Variants in TFEC observed in about 807,000 individuals in gnomAD.
TFEC encodes the protein transcription factor EC.
TFEC carries 31 observed loss-of-function variants against 41.6 expected under a neutral mutation model. The observed-to-expected ratio is 0.74, with a 90% CI of 0.56 to 1.01. The LOEUF (loss-of-function observed/expected upper bound fraction) is 1.01. Ranked by LOEUF, TFEC falls within the 50% of genes least tolerant of loss-of-function variation. The pLI is 0.00. For synonymous variants in TFEC, 143 were observed against 140.6 expected (o/e 1.02, Z -0.12); for missense variants, 402 against 404.1 (o/e 0.99, Z 0.04).
At chr7:116,099,788 G>T (rs111369230) in intron 3 of TFEC, among the ~76,000 whole-genome samples, 111 of 152,270 alleles carry the variant, frequency 7.3e-4, no homozygotes, top group African/African-American at 2.3e-3. Context: ...ATAGTAGTTG[G>T]TATTGCAACA....
At chr7:116,049,980 G>A (rs1796267987) in intron 3 of TFEC, among the ~76,000 whole-genome samples, 1 of 152,210 alleles carries the variant, frequency 6.6e-6, no homozygotes, top group Non-Finnish European at 1.5e-5. Context: ...ATTTAAAGCA[G>A]TGTGTAGAGG....
At position 115,940,819 on chromosome 7, in the gene TFEC, A is replaced by C; in HGVS notation, c.776T>G (p.Val259Gly). 1 of 1,613,540 alleles carries C rather than the reference A, an allele frequency of 6.2e-7. No homozygotes were observed. The highest frequency in any genetic ancestry group is 8.5e-7 in the Non-Finnish European group (1 of 1,179,618). ...CACAGTCAGTTGTTGGCAATAGTCT[A>C]CTGAATTCTGCTCAGGATGGCTCTG... Reference protein sequence around the residue: ...KQQSHPEQNSVDYCQQLTVSQ... With the variant: ...KQQSHPEQNSGDYCQQLTVSQ... The change falls in exon 8 of 8, where the codon GTA (valine) becomes GGA (glycine). Residue 259 changes from valine (V) to glycine (G), a missense_variant. By Grantham distance (109) the Val-to-Gly change is moderately radical. Transcript: ENST00000265440.
intron 1 of TFEC, among the ~76,000 whole-genome samples, chr7:115,989,980 G>A (rs925892830): frequency 6.6e-6 from 1 of 152,154 alleles, no homozygotes; most frequent in Non-Finnish European, 1.5e-5. Context: ...CCTCCTAGTA[G>A]GGGCTGACTG....
chr7:115,966,892 T>C (rs974104126), intron 3 of TFEC, among the ~76,000 whole-genome samples: 1 of 151,822 alleles, frequency 6.6e-6, no homozygotes, highest in Non-Finnish European at 1.5e-5. Context: ...CCTGGTTTAT[T>C]TTTCCTTTCA....
chr7:115,942,200 A>T (rs1013133410), intron 6 of TFEC, among the ~76,000 whole-genome samples, 160 bp from the exon 7 acceptor site: 2 of 152,052 alleles, frequency 1.3e-5, no homozygotes, highest in Admixed American at 1.3e-4. Flanking sequence ...AGAATAGTTA[A>T]GAAGCCCTTA....
intron 3 of TFEC, among the ~76,000 whole-genome samples, chr7:116,049,545 C>T (rs1796257799): frequency 6.6e-6 from 1 of 152,118 alleles, no homozygotes; most frequent in Non-Finnish European, 1.5e-5. Flanking sequence ...CTTCAACACC[C>T]CACTGTCAAC....
At chr7:116,159,859 C>T (rs1798939978) in exon 1 of TFEC, 1 of 152,080 alleles carries the variant, frequency 6.6e-6, no homozygotes, top group Non-Finnish European at 1.5e-5. Context: ...GTACCATAAG[C>T]ATTATCTTTC....
At chr7:115,983,071 G>C (rs1006814167) in intron 2 of TFEC, among the ~76,000 whole-genome samples, 1 of 152,040 alleles carries the variant, frequency 6.6e-6, no homozygotes, top group Non-Finnish European at 1.5e-5. Context: ...ACTGTACTGT[G>C]TGTAGATCTA....
intron 1 of TFEC, among the ~76,000 whole-genome samples, chr7:116,015,620 G>C (rs1795160539): frequency 6.6e-6 from 1 of 151,864 alleles, no homozygotes; most frequent in African/African-American, 2.4e-5. Flanking sequence ...ACGAAAAAAA[G>C]AAAAAAGAAG....
At position 115,984,474 on chromosome 7, in the gene TFEC, G is replaced by T; in HGVS notation, c.-33C>A. On this transcript the variant is annotated 5_prime_UTR_variant, in exon 2 of 8. The change creates a premature stop within an existing upstream ORF in the 5' untranslated region. Transcript: ENST00000265440. ...TTTACTTTCTGTCTCTGGGCTTTCT[G>T]TAGCTGAGGCCTTGCAGAACTTTCC... 1 of 1,614,034 alleles carries T rather than the reference G, an allele frequency of 6.2e-7. No homozygotes were observed. The highest frequency in any genetic ancestry group is 8.5e-7 in the Non-Finnish European group (1 of 1,179,974).
At chr7:116,062,412 T>A (rs1294559684) in intron 3 of TFEC, among the ~76,000 whole-genome samples, 1 of 150,118 alleles carries the variant, frequency 6.7e-6, no homozygotes, top group African/African-American at 2.4e-5. Flanking sequence ...CCTTTGCATA[T>A]TCATAGCTTA....
At chr7:116,137,453 T>C (rs1010952720) in intron 1 of TFEC, among the ~76,000 whole-genome samples, 1 of 152,122 alleles carries the variant, frequency 6.6e-6, no homozygotes, top group Non-Finnish European at 1.5e-5. Flanking sequence ...TCAGAGAGAC[T>C]TGGATGTGAG....
intron 4 of TFEC, among the ~76,000 whole-genome samples, chr7:115,955,834 G>T (rs1792195132): frequency 6.6e-6 from 1 of 151,834 alleles, no homozygotes; most frequent in Admixed American, 6.6e-5. Flanking sequence ...ATTAATTTTA[G>T]TCTGAATAAT....
chr7:115,940,505 C>G lies in TFEC; in HGVS notation c.*46G>C. 1 of 1,548,102 alleles carries G rather than the reference C, an allele frequency of 6.5e-7. No homozygotes were observed. Among genetic ancestry groups the G allele is most frequent in the South Asian group, 1.3e-5 (1 of 79,824 alleles). On this transcript the variant is annotated 3_prime_UTR_variant, in exon 8 of 8. Coordinates refer to ENST00000265440, the MANE Select transcript of TFEC (RefSeq NM_012252.4). Reference sequence around the variant, plus strand: ...AACACAGAGCATAATTGCATAGCACCAGCATAGAATTGCTTTCCAGTTGAT... The same window carrying G: ...AACACAGAGCATAATTGCATAGCACGAGCATAGAATTGCTTTCCAGTTGAT...
At chr7:116,013,516 A>T (rs1795079525) in intron 1 of TFEC, among the ~76,000 whole-genome samples, 1 of 152,168 alleles carries the variant, frequency 6.6e-6, no homozygotes, top group Non-Finnish European at 1.5e-5. Flanking sequence ...AGCCACAGTC[A>T]TGAGGTGAGC....
chr7:116,021,988 G>C (rs993956090), intron 1 of TFEC, among the ~76,000 whole-genome samples: 1 of 152,124 alleles, frequency 6.6e-6, no homozygotes, highest in Non-Finnish European at 1.5e-5. Flanking sequence ...TTCAGCACTG[G>C]GGAGAACAGG....
chr7:115,938,643 T>C lies in TFEC; in HGVS notation c.*1908A>G, dbSNP rs1793343319. On this transcript the variant is annotated 3_prime_UTR_variant, in exon 8 of 8. Coordinates refer to ENST00000265440, the MANE Select transcript of TFEC (RefSeq NM_012252.4). ...TACTATTTTTCTACTTTTATCAGCA[T>C]TAGGGTCTCACATTTCATAGTGACA... 6.6e-6 allele frequency: 1 copy of C among 151,914 alleles called. No individual in the cohort carries two copies. The highest frequency in any genetic ancestry group is 6.6e-5 in the Admixed American group (1 of 15,200). The allele number at this position is 151,914 out of a possible 1,614,324, so 9.4% of individuals were successfully genotyped here.
At position 115,951,283 on chromosome 7, in the gene TFEC, T is replaced by C. The variant is rs183382820; in HGVS notation, c.440-334A>G. 2.6e-5 allele frequency among the ~76,000 whole-genome samples: 4 copies of C among 152,192 alleles called. No homozygotes were observed. The East Asian group carries it at 7.8e-4, about 30-fold the overall frequency. ...TTTGATTATTTCACACATTGGCAAT[T>C]TGTCAGTCCATCAGGATTGTAATCA... On this transcript the variant is annotated intron_variant, in intron 5 of 7. Coordinates refer to ENST00000265440, the MANE Select transcript of TFEC (RefSeq NM_012252.4).
intron 3 of TFEC, among the ~76,000 whole-genome samples, chr7:116,056,136 G>A (rs932545050): frequency 2.6e-5 from 4 of 152,012 alleles, no homozygotes; most frequent in African/African-American, 9.7e-5. Flanking sequence ...TACCTTTCAA[G>A]AGACTAGACA....
Sources: gnomAD v4.1 joint callset for allele counts (sites outside exome capture counted in the v4.1 genomes callset) on GRCh38, gnomAD v4.1.1 for gene constraint, MANE v1.5 for transcripts, NCBI Gene and HGNC (gene_info 2026-07-23, HGNC 2026-07-21) for gene names.